DIAPH3: variants seen among roughly 807,000 people sequenced by gnomAD.
DIAPH3 encodes diaphanous related formin 3.
Under a neutral mutation model 144.3 loss-of-function variants are expected in DIAPH3, and 117 were observed. The observed-to-expected ratio is 0.81, with a 90% CI of 0.70 to 0.95. The LOEUF is 0.95. DIAPH3 is among the 40% of genes least tolerant of loss of function. The probability of loss-of-function intolerance (pLI) is 0.00; values close to 1 mark genes in which losing one functional copy is unlikely to be tolerated. For missense variants in DIAPH3, 1,421 were observed against 1,412.7 expected (o/e 1.01, Z -0.09); for synonymous variants, 519 against 488.9 (o/e 1.06, Z -0.81).
At chr13:59,762,182 C>T (rs1427877925) in intron 27 of DIAPH3, among the ~76,000 whole-genome samples, 8 of 150,888 alleles carry the variant, frequency 5.3e-5, no homozygotes, top group African/African-American at 1.2e-4. Context: ...CCTCAGCCTC[C>T]GGACGAGTAG....
chr13:60,051,357 C>T (rs1325494593), intron 4 of DIAPH3, among the ~76,000 whole-genome samples: 4 of 152,216 alleles, frequency 2.6e-5, no homozygotes, highest in Admixed American at 6.6e-5. Context: ...AGGTGGCTCA[C>T]GCCTGTAATC....
chr13:59,727,852 C>T (rs149653298), intron 27 of DIAPH3, among the ~76,000 whole-genome samples: 84 of 152,152 alleles, frequency 5.5e-4, no homozygotes, highest in Non-Finnish European at 9.6e-4. Context: ...CCCTAATACC[C>T]GTATTTTGGT....
intron 5 of DIAPH3, among the ~76,000 whole-genome samples, chr13:60,041,961 G>A (rs1335269256): frequency 6.6e-6 from 1 of 151,908 alleles, no homozygotes; most frequent in Non-Finnish European, 1.5e-5. Flanking sequence ...TATATTTCAG[G>A]TACATCTTCC....
chr13:59,716,455 A>T (rs193072300), intron 27 of DIAPH3, among the ~76,000 whole-genome samples: 1 of 152,166 alleles, frequency 6.6e-6, no homozygotes. Context: ...GATTACAGGC[A>T]TGAGCCACCG....
At position 60,135,623 on chromosome 13, in the gene DIAPH3, C is replaced by T. The variant is rs183246898; in HGVS notation, c.181-2634G>A. 4.6e-5 allele frequency among the ~76,000 whole-genome samples: 7 copies of T among 152,240 alleles called. No individual in the cohort carries two copies. In the East Asian group the frequency reaches 7.7e-4, roughly 17 times the overall value. ...ATCACAGCAAATTCAAGAGTCCAGA[C>T]GGGACTGGAGAAACTCACTAACAGA... On this transcript the variant is annotated intron_variant, in intron 1 of 27. Coordinates refer to ENST00000400324, the MANE Select transcript of DIAPH3 (RefSeq NM_001042517.2).
intron 24 of DIAPH3, among the ~76,000 whole-genome samples, chr13:59,811,358 G>C (rs1433004578): frequency 6.6e-6 from 1 of 152,032 alleles, no homozygotes; most frequent in Non-Finnish European, 1.5e-5. Context: ...CATAATAAAA[G>C]AAGTGAAATC....
chr13:59,952,698 G>A (rs1032435489), intron 17 of DIAPH3, among the ~76,000 whole-genome samples: 3 of 152,076 alleles, frequency 2.0e-5, no homozygotes, highest in Non-Finnish European at 4.4e-5. Context: ...CAGAGCTAAA[G>A]TCATCAGAGG....
intron 17 of DIAPH3, among the ~76,000 whole-genome samples, chr13:59,932,402 A>G (rs1002580347): frequency 2.0e-5 from 3 of 152,032 alleles, no homozygotes; most frequent in Non-Finnish European, 4.4e-5. Flanking sequence ...TATCATTGTC[A>G]TCATCATCAT....
At chr13:59,715,796 A>C (rs927305359) in intron 27 of DIAPH3, among the ~76,000 whole-genome samples, 1 of 152,174 alleles carries the variant, frequency 6.6e-6, no homozygotes, top group Non-Finnish European at 1.5e-5. Context: ...TCTTTCTCTA[A>C]GATAAGGATA....
intron 21 of DIAPH3, among the ~76,000 whole-genome samples, chr13:59,870,789 G>A (rs917527194): frequency 1.3e-5 from 2 of 151,598 alleles, no homozygotes; most frequent in African/African-American, 4.8e-5. Flanking sequence ...TCCTGTCTCA[G>A]CCTCCCTAGT....
At chr13:60,022,075 A>T (rs1335389155) in intron 5 of DIAPH3, among the ~76,000 whole-genome samples, 1 of 152,188 alleles carries the variant, frequency 6.6e-6, no homozygotes, top group Non-Finnish European at 1.5e-5. Flanking sequence ...TAGTACATAG[A>T]AATACAATTT....
At chr13:59,729,704 C>T (rs2035789042) in intron 27 of DIAPH3, among the ~76,000 whole-genome samples, 1 of 151,624 alleles carries the variant, frequency 6.6e-6, no homozygotes, top group South Asian at 2.1e-4. Context: ...GTACCAACAT[C>T]AATTTGCCAA....
intron 2 of DIAPH3, among the ~76,000 whole-genome samples, chr13:60,112,587 C>A (rs998317028): frequency 2.0e-5 from 3 of 152,172 alleles, no homozygotes; most frequent in African/African-American, 7.2e-5. Flanking sequence ...CTGCCTATTG[C>A]CCTTTCCATA....
At chr13:59,958,892 T>TTA (rs1479467060) in intron 17 of DIAPH3, among the ~76,000 whole-genome samples, 1 of 147,410 alleles carries the variant, frequency 6.8e-6, no homozygotes, top group South Asian at 2.2e-4. Flanking sequence ...TTTTTTTTTT[T>TTA]GAGATAGAGT....
intron 9 of DIAPH3, among the ~76,000 whole-genome samples, chr13:60,004,537 C>A (rs908815283): frequency 1.3e-5 from 2 of 152,148 alleles, no homozygotes; most frequent in East Asian, 3.9e-4. Context: ...CAATGAGAAA[C>A]CTTTATTAAG....
chr13:59,936,153 GTATCGGGAAATACCTTGT>G (rs1453539750), intron 17 of DIAPH3, among the ~76,000 whole-genome samples: 1 of 152,032 alleles, frequency 6.6e-6, no homozygotes, highest in African/African-American at 2.4e-5. Context: ...AACTGTTAAA[GTATCGGGAAATACCTTGT>G]TAAAAAACTT....
intron 27 of DIAPH3, among the ~76,000 whole-genome samples, chr13:59,762,099 G>A (rs2037630772): frequency 9.1e-6 from 1 of 109,482 alleles, no homozygotes; most frequent in Non-Finnish European, 1.7e-5. Context: ...TTGCTCTGTT[G>A]CCAGGCTGAA....
At chr13:60,128,322 T>G (rs759222748) in intron 2 of DIAPH3, among the ~76,000 whole-genome samples, 9 of 152,204 alleles carry the variant, frequency 5.9e-5, no homozygotes, top group Non-Finnish European at 1.3e-4. Flanking sequence ...GATGGGCATT[T>G]AGATTGATTC....
intron 27 of DIAPH3, among the ~76,000 whole-genome samples, chr13:59,758,425 T>C (rs2037397881): frequency 6.6e-6 from 1 of 152,334 alleles, no homozygotes; most frequent in South Asian, 2.1e-4. Context: ...ACAATCCTAT[T>C]TTTGGAAAGA....
Sources: allele counts gnomAD v4.1 joint callset (sites outside exome capture counted in the v4.1 genomes callset), GRCh38; gene constraint gnomAD v4.1.1; transcripts MANE v1.5; gene names NCBI Gene and HGNC (gene_info 2026-07-23, HGNC 2026-07-21).